Variants in TLN2 observed in about 807,000 individuals in gnomAD.
TLN2 encodes the protein talin-2.
TLN2 carries 118 observed loss-of-function variants against 294.7 expected under a neutral mutation model. The observed-to-expected ratio is 0.40, with a 90% CI of 0.34 to 0.47. The LOEUF is 0.47. Among genes scored for constraint, TLN2 ranks in the 20% least tolerant of loss-of-function variants. The probability of loss-of-function intolerance (pLI) is 0.84; values close to 1 mark genes in which losing one functional copy is unlikely to be tolerated. For synonymous variants in TLN2, 1,431 were observed against 1,304.5 expected, an observed-to-expected ratio of 1.10 and a Z score of -2.09; for missense variants, 3,083 against 3,282.2, an observed-to-expected ratio of 0.94 and a Z score of 1.48.
chr15:62,642,669 TG>T (rs1293326450), intron 3 of TLN2, among the ~76,000 whole-genome samples: 1 of 151,940 alleles, frequency 6.6e-6, no homozygotes, highest in Non-Finnish European at 1.5e-5. Context: ...ACTTTCTTTT[TG>T]TTGTTGTTTT....
intron 24 of TLN2, among the ~76,000 whole-genome samples, chr15:62,718,727 G>T (rs2059938940): frequency 6.6e-6 from 1 of 152,186 alleles, no homozygotes; most frequent in African/African-American, 2.4e-5. Context: ...TGGGTCCTCA[G>T]CTCAGCTGCT....
At chr15:62,412,553 A>T (rs1199222735) in intron 1 of TLN2, among the ~76,000 whole-genome samples, 1 of 152,224 alleles carries the variant, frequency 6.6e-6, no homozygotes, top group East Asian at 1.9e-4. Flanking sequence ...CTTGGCATCC[A>T]TTAACTCTGT....
Position 62,652,055 on chromosome 15 carries a change from G to A in TLN2, c.285G>A (p.Leu95=), listed in dbSNP as rs760144263. 4 of 1,611,818 alleles carry A rather than the reference G, an allele frequency of 2.5e-6. No homozygotes were observed. Among genetic ancestry groups the A allele is most frequent in the Admixed American group, 1.7e-5 (1 of 59,950 alleles). The change falls in exon 6 of 59, where the codon CTG becomes CTA. Residue 95 remains leucine (L), a synonymous_variant. Transcript: ENST00000636159. ...AGAGACCTCAGAAAATCCGGATGCT[G>A]GATGGATCTGTGAAGACAGTGATGG... ...KKQRPQKIRM[L]DGSVKTVMVD...
At chr15:62,577,002 A>G (rs2044476746) in intron 1 of TLN2, among the ~76,000 whole-genome samples, 1 of 152,186 alleles carries the variant, frequency 6.6e-6, no homozygotes, top group Admixed American at 6.5e-5. Flanking sequence ...ACCAGGAATC[A>G]ACTAAGGCCT....
At chr15:62,680,741 T>C (rs1332416334) in intron 11 of TLN2, among the ~76,000 whole-genome samples, 1 of 152,062 alleles carries the variant, frequency 6.6e-6, no homozygotes, top group Non-Finnish European at 1.5e-5. Flanking sequence ...TCCCACCCTT[T>C]CCCTTCTGAG....
chr15:62,399,495 C>T (rs2032856262), intron 1 of TLN2, among the ~76,000 whole-genome samples: 2 of 152,102 alleles, frequency 1.3e-5, no homozygotes, highest in South Asian at 4.1e-4. Flanking sequence ...GCACCACATA[C>T]CTGGAAAAGC....
Position 62,694,311 on chromosome 15 carries a change from T to G in TLN2, c.1216-5T>G, listed in dbSNP as rs1269626994. 6.2e-7 allele frequency: 1 copy of G among 1,614,028 alleles called. No individual in the cohort carries two copies. Among genetic ancestry groups the G allele is most frequent in the Non-Finnish European group, 8.5e-7 (1 of 1,179,926 alleles). ...TTTTTGCATCTTGTTTTATTGCATT[T>G]CCAGAAACAAAGTAAAGATCGATTT... is the stretch of plus-strand genomic sequence containing the variant. On this transcript the variant is annotated splice_polypyrimidine_tract_variant and splice_region_variant and intron_variant, in intron 13 of 58. Transcript: ENST00000636159.
chr15:62,779,518 C>A (rs1044220858), intron 43 of TLN2, among the ~76,000 whole-genome samples: 31 of 152,230 alleles, frequency 2.0e-4, no homozygotes, highest in African/African-American at 7.0e-4. Flanking sequence ...AAATCCTAGT[C>A]ACTACTTTGT....
Position 62,502,455 on chromosome 15 carries a change from G to C in TLN2, c.-237-87232G>C, listed in dbSNP as rs544971132. Reference sequence around the variant, plus strand: ...GGAGGGGAGTCAGCCAGGGTGTCAAGCCTGTGCAGCTGCCTGGTGCCTGAC... The same window carrying C: ...GGAGGGGAGTCAGCCAGGGTGTCAACCCTGTGCAGCTGCCTGGTGCCTGAC... On this transcript the variant is annotated intron_variant, in intron 1 of 58. Coordinates refer to ENST00000636159, the MANE Select transcript of TLN2 (RefSeq NM_015059.3). 1.9e-3 allele frequency among the ~76,000 whole-genome samples: 287 copies of C among 152,324 alleles called. 1 individual carries two copies. The highest frequency in any genetic ancestry group is 3.5e-3 in the Non-Finnish European group (238 of 68,022).
In TLN2 at chr15:62,456,257, C is replaced by G. The variant is rs137954486; in HGVS notation, c.-238+65572C>G. ...ACTTCTTTTTGTCCTTTTCTGTAAT[C>G]TGAAGCTTCTCATCTCTCTCAGCCT... On this transcript the variant is annotated intron_variant, in intron 1 of 58. Transcript: ENST00000636159. Among the ~76,000 whole-genome samples, 159 of 152,292 alleles carry G rather than the reference C, an allele frequency of 1.0e-3. 4 individuals carry two copies. In the Middle Eastern group the frequency reaches 0.017, roughly 16 times the overall value.
At chr15:62,405,637 G>A (rs1194598828) in intron 1 of TLN2, among the ~76,000 whole-genome samples, 1 of 152,160 alleles carries the variant, frequency 6.6e-6, no homozygotes, top group Non-Finnish European at 1.5e-5. Context: ...GCTTTTATGA[G>A]TCCTCTTGAT....
At chr15:62,403,476 G>A (rs866038374) in intron 1 of TLN2, among the ~76,000 whole-genome samples, 7 of 152,056 alleles carry the variant, frequency 4.6e-5, no homozygotes, top group African/African-American at 1.4e-4. Context: ...CAAGTGATCC[G>A]CCTGCCTTGG....
chr15:62,569,194 C>T (rs2043658973), intron 1 of TLN2, among the ~76,000 whole-genome samples: 1 of 152,184 alleles, frequency 6.6e-6, no homozygotes, highest in Non-Finnish European at 1.5e-5. Context: ...CTGTGTAATC[C>T]AGGATGCTCT....
chr15:62,699,410 A>G (rs548891056), intron 16 of TLN2, among the ~76,000 whole-genome samples: 56 of 150,930 alleles, frequency 3.7e-4, no homozygotes, highest in African/African-American at 1.3e-3. Flanking sequence ...GATCTTGGGT[A>G]GGGCCTGAGA....
intron 3 of TLN2, chr15:62,640,204 G>A (rs1023562479): frequency 5.3e-5 from 24 of 455,986 alleles, no homozygotes; most frequent in African/African-American, 3.4e-4. Flanking sequence ...AAGACAGGTA[G>A]GGAGTGGAGA....
At chr15:62,399,267 A>AC (rs1444931778) in intron 1 of TLN2, among the ~76,000 whole-genome samples, 2 of 149,368 alleles carry the variant, frequency 1.3e-5, no homozygotes, top group East Asian at 1.9e-4. Context: ...AAAAAAAAAA[A>AC]AAAAAAAAAA....
At chr15:62,569,380 C>T (rs537839094) in intron 1 of TLN2, among the ~76,000 whole-genome samples, 51 of 152,324 alleles carry the variant, frequency 3.3e-4, no homozygotes, top group Non-Finnish European at 6.2e-4. Flanking sequence ...CTCTGGGCAC[C>T]CAAGTGACAG....
intron 1 of TLN2, among the ~76,000 whole-genome samples, chr15:62,509,572 C>T (rs997956599): frequency 6.6e-6 from 1 of 152,200 alleles, no homozygotes; most frequent in Non-Finnish European, 1.5e-5. Context: ...GGGTCATCCT[C>T]TCTCCTATCT....
intron 2 of TLN2, among the ~76,000 whole-genome samples, chr15:62,591,463 T>G (rs552968451): frequency 2.0e-5 from 3 of 152,042 alleles, no homozygotes; most frequent in Non-Finnish European, 4.4e-5. Flanking sequence ...ACTAGAGAGG[T>G]CAGAGGGCCA....
Sources: allele counts gnomAD v4.1 joint callset (sites outside exome capture counted in the v4.1 genomes callset), GRCh38; gene constraint gnomAD v4.1.1; transcripts MANE v1.5; gene names NCBI Gene and HGNC (gene_info 2026-07-23, HGNC 2026-07-21).